The following NFASC variants were observed in gnomAD, a reference collection of about 807,000 sequenced individuals.
The protein encoded by NFASC is neurofascin.
Under a neutral mutation model 147.5 loss-of-function variants are expected in NFASC, and 43 were observed. The ratio of observed to expected loss-of-function variants is 0.29; its 90% CI spans 0.23 to 0.38. The LOEUF is 0.38. Among genes scored for constraint, NFASC ranks in the 10% least tolerant of loss-of-function variants. The pLI is 1.00. For missense variants in NFASC, 1,320 were observed against 1,689.0 expected, an observed-to-expected ratio of 0.78 and a Z score of 3.83; for synonymous variants, 622 against 665.5, an observed-to-expected ratio of 0.93 and a Z score of 1.01.
At chr1:204,952,268 A>G in intron 5 of NFASC, 152 bp downstream of exon 5, 1 of 634,914 alleles carries the variant, frequency 1.6e-6, no homozygotes, top group Non-Finnish European at 2.8e-6. Context: ...TAATTGAGGT[A>G]CCAGGAAATT....
intron 27 of NFASC, among the ~76,000 whole-genome samples, chr1:205,003,549 G>A (rs571517673): frequency 5.5e-4 from 84 of 152,266 alleles, no homozygotes; most frequent in Non-Finnish European, 1.0e-3. Context: ...AAACTCAGCC[G>A]AGCAGGCTGC....
intron 27 of NFASC, among the ~76,000 whole-genome samples, chr1:205,004,536 C>A (rs994619618): frequency 6.6e-6 from 1 of 152,238 alleles, no homozygotes; most frequent in African/African-American, 2.4e-5. Context: ...TTGTCCACTT[C>A]TCTCACAGGC....
At chr1:204,880,555 C>G (rs1273577403) in intron 1 of NFASC, among the ~76,000 whole-genome samples, 2 of 152,086 alleles carry the variant, frequency 1.3e-5, no homozygotes, top group African/African-American at 2.4e-5. Context: ...CAGGGTTTCA[C>G]CATGTTAACC....
chr1:204,901,440 A>G (rs963786552), intron 1 of NFASC, among the ~76,000 whole-genome samples: 1 of 152,140 alleles, frequency 6.6e-6, no homozygotes, highest in African/African-American at 2.4e-5. Context: ...ATGTGTTTCA[A>G]GGAGGATGGA....
At chr1:204,886,922 C>T (rs1011916418) in intron 1 of NFASC, among the ~76,000 whole-genome samples, 1 of 152,082 alleles carries the variant, frequency 6.6e-6, no homozygotes, top group Admixed American at 6.5e-5. Context: ...ACAACTGTGT[C>T]ATGATTTTTA....
At chr1:204,981,053 G>A (rs753965536) in intron 20 of NFASC, among the ~76,000 whole-genome samples, 6 of 152,198 alleles carry the variant, frequency 3.9e-5, no homozygotes, top group Non-Finnish European at 7.4e-5. Context: ...GAATGCAAAC[G>A]CAGCCACTGA....
intron 1 of NFASC, among the ~76,000 whole-genome samples, chr1:204,908,366 TTAAC>T (rs1403600949): frequency 1.3e-5 from 2 of 152,158 alleles, no homozygotes; most frequent in African/African-American, 4.8e-5. Context: ...TGTTTATGCT[TTAAC>T]TAACATTAAA....
chr1:204,997,100 CG>C (rs1171949528), intron 24 of NFASC, 69 bp from the exon 25 acceptor site: 8 of 1,556,878 alleles, frequency 5.1e-6, no homozygotes, highest in Admixed American at 3.6e-5. Flanking sequence ...GCCTTGCACG[CG>C]GGGGCCGTGT....
chr1:204,952,403 T>C (rs11240318), intron 5 of NFASC, among the ~76,000 whole-genome samples: 57,561 of 152,088 alleles, frequency 0.38, 11,648 homozygotes, highest in Non-Finnish European at 0.45. Flanking sequence ...GTTCCCATCA[T>C]CTGCCCCACG....
chr1:204,846,980 G>A (rs956352386), intron 1 of NFASC, among the ~76,000 whole-genome samples: 1 of 127,508 alleles, frequency 7.8e-6, no homozygotes, highest in East Asian at 3.2e-4. Flanking sequence ...TGTGTGTGTG[G>A]TGTGTAGGAG....
chr1:205,002,479 C>T (rs546303614), intron 26 of NFASC, 117 bp from the exon 27 acceptor site: 19 of 784,636 alleles, frequency 2.4e-5, no homozygotes, highest in East Asian at 9.6e-5. Context: ...ACTGGACCCG[C>T]GGTTCCCTGG....
chr1:204,853,999 T>G (rs1368567001), intron 1 of NFASC, among the ~76,000 whole-genome samples: 1 of 152,190 alleles, frequency 6.6e-6, no homozygotes, highest in Non-Finnish European at 1.5e-5. Context: ...GAAAGCCTCC[T>G]GCCTGTCTCA....
At chr1:204,927,781 C>T (rs1054544829) in intron 2 of NFASC, among the ~76,000 whole-genome samples, 13 of 152,268 alleles carry the variant, frequency 8.5e-5, no homozygotes, top group African/African-American at 3.1e-4. Context: ...CACCTTGATA[C>T]CCCACGCCTT....
At position 204,966,058 on chromosome 1, in the gene NFASC, T is replaced by A. The variant is rs561934500; in HGVS notation, c.707-2191T>A. Among the ~76,000 whole-genome samples, 61 of 152,358 alleles carry A rather than the reference T, an allele frequency of 4.0e-4. No homozygotes were observed. The South Asian group carries it at 9.5e-3, about 24-fold the overall frequency. On this transcript the variant is annotated intron_variant, in intron 8 of 29. Transcript: ENST00000339876. ...GTTCACTGAATGGTGGCCCTGATTATGACCTCCAACTTTTAGGATGCTCTT... is the reference window on the plus strand; with the variant it reads ...GTTCACTGAATGGTGGCCCTGATTAAGACCTCCAACTTTTAGGATGCTCTT...
intron 8 of NFASC, chr1:204,962,090 C>G: frequency 6.2e-7 from 1 of 1,609,834 alleles, no homozygotes; most frequent in East Asian, 2.2e-5. Flanking sequence ...TTTGCTCACC[C>G]TCTTTTGTTT....
At chr1:204,973,816 G>A (rs759048215) in intron 12 of NFASC, among the ~76,000 whole-genome samples, 1 of 152,142 alleles carries the variant, frequency 6.6e-6, no homozygotes, top group Admixed American at 6.5e-5. Flanking sequence ...TGGATCTCAC[G>A]GTGGGAAATG....
At chr1:204,944,472 G>GGGGGTGGC in intron 3 of NFASC, 66 bp downstream of exon 3, 1 of 402,578 alleles carries the variant, frequency 2.5e-6, no homozygotes. Context: ...GGAGGGGAGG[G>GGGGGTGGC]AAGGTCAGAG....
intron 8 of NFASC, among the ~76,000 whole-genome samples, chr1:204,963,113 G>T (rs971196481): frequency 6.6e-6 from 1 of 152,124 alleles, no homozygotes; most frequent in Non-Finnish European, 1.5e-5. Flanking sequence ...ACTGTGATGT[G>T]CTAATACAAA....
chr1:204,892,701 G>T (rs2082642947), intron 1 of NFASC, among the ~76,000 whole-genome samples: 1 of 152,182 alleles, frequency 6.6e-6, no homozygotes, highest in African/African-American at 2.4e-5. Context: ...ATTAGAAGCT[G>T]ATAATATTTT....
Sources: allele counts gnomAD v4.1 joint callset (sites outside exome capture counted in the v4.1 genomes callset), GRCh38; gene constraint gnomAD v4.1.1; transcripts MANE v1.5; gene names NCBI Gene and HGNC (gene_info 2026-07-23, HGNC 2026-07-21).